Variants in MSN observed in about 807,000 individuals in gnomAD.
The protein encoded by MSN is moesin.
Under a neutral mutation model 48.0 loss-of-function variants are expected in MSN, and 2 were observed. The ratio of observed to expected loss-of-function variants is 0.04; its 90% confidence interval spans 0.02 to 0.13. MSN has a LOEUF of 0.13. Among genes scored for constraint, MSN ranks in the 10% least tolerant of loss-of-function variants. The pLI is 1.00. For missense variants in MSN, 267 were observed against 470.1 expected (o/e 0.57, Z 3.99); for synonymous variants, 146 against 166.9 (o/e 0.87, Z 0.97).
chrX:65,672,641 C>A (rs1181279253), intron 1 of MSN, among the ~76,000 whole-genome samples: 1 of 111,757 alleles, frequency 8.9e-6, no homozygotes, highest in African/African-American at 3.3e-5. Flanking sequence ...TTTTTCTTCT[C>A]TTTCCATATA....
intron 10 of MSN, among the ~76,000 whole-genome samples, chrX:65,738,125 G>A (rs1295509684): frequency 8.9e-6 from 1 of 112,047 alleles, no homozygotes; most frequent in Non-Finnish European, 1.9e-5. Context: ...TCCTGTACTT[G>A]TCCTGGGAAG....
chrX:65,613,328 A>G (rs190911235), intron 1 of MSN, among the ~76,000 whole-genome samples: 29 of 115,040 alleles, frequency 2.5e-4, no homozygotes, highest in African/African-American at 8.8e-4. Flanking sequence ...TAGTGCTGCA[A>G]TAAACATATG....
chrX:65,664,415 T>A (rs1334449737), upstream of MSN, among the ~76,000 whole-genome samples: 4 of 111,974 alleles, frequency 3.6e-5, no homozygotes. Flanking sequence ...AACATGCACA[T>A]GTACCCCCTG....
intron 1 of MSN, among the ~76,000 whole-genome samples, chrX:65,636,933 A>G (rs1602741116): frequency 1.1e-5 from 1 of 95,190 alleles, no homozygotes; most frequent in African/African-American, 3.9e-5. Flanking sequence ...TACAAAAAAA[A>G]AAAAAAAACT....
At chrX:65,697,092 G>C (rs1455767723) in intron 1 of MSN, among the ~76,000 whole-genome samples, 1 of 110,410 alleles carries the variant, frequency 9.1e-6, no homozygotes, top group African/African-American at 3.3e-5. Flanking sequence ...AGGTATTTTT[G>C]AGACTACTCT....
chrX:65,689,135 C>G (rs1453789295), intron 1 of MSN, among the ~76,000 whole-genome samples: 1 of 111,454 alleles, frequency 9.0e-6, no homozygotes, highest in Non-Finnish European at 1.9e-5. Context: ...CAATCTTGAC[C>G]AAGTCCTTGC....
chrX:65,738,815 T>C (rs2071707306), intron 11 of MSN, among the ~76,000 whole-genome samples, 155 bp from the exon 12 acceptor site: 1 of 112,183 alleles, frequency 8.9e-6, no homozygotes, highest in Non-Finnish European at 1.9e-5. Flanking sequence ...GTACAATTGC[T>C]CTTGTTTTAT....
At chrX:65,664,106 G>A (rs753390728), upstream of MSN, among the ~76,000 whole-genome samples, 2 of 109,857 alleles carry the variant, frequency 1.8e-5, no homozygotes, top group South Asian at 4.0e-4. Flanking sequence ...TAAAGAAAAT[G>A]TGGTACATAT....
chrX:65,632,224 G>A lies in MSN; in HGVS notation c.-22+43612G>A, dbSNP rs188297344. Among the ~76,000 whole-genome samples, 5 of 111,698 alleles carry A rather than the reference G, an allele frequency of 4.5e-5. No individual in the cohort carries two copies. In the East Asian group the frequency reaches 8.5e-4, roughly 19 times the overall value. ...GAGTGAATGGATTAATGCTGTTATC[G>A]TGGGAGTGGGCTCATTATAAAAGGG... On this transcript the variant is annotated intron_variant, in intron 1 of 3. Transcript: ENST00000609672.
intron 1 of MSN, among the ~76,000 whole-genome samples, chrX:65,611,559 C>T (rs769796524): frequency 2.7e-5 from 3 of 111,861 alleles, no homozygotes; most frequent in Non-Finnish European, 5.6e-5. Context: ...CCTTGTAAGG[C>T]TGAATAATAT....
intron 1 of MSN, among the ~76,000 whole-genome samples, chrX:65,604,570 A>G (rs1028149620): frequency 8.1e-5 from 9 of 111,646 alleles, no homozygotes; most frequent in African/African-American, 1.6e-4. Flanking sequence ...ATCAGAAATA[A>G]GCATAGGGAA....
intron 1 of MSN, among the ~76,000 whole-genome samples, chrX:65,650,961 G>T (rs756161087): frequency 3.6e-5 from 4 of 111,323 alleles, no homozygotes; most frequent in Non-Finnish European, 1.9e-5. Context: ...ATCCTCTCAT[G>T]CCTCCCTCTT....
chrX:65,653,591 A>T (rs1235543528), intron 1 of MSN, among the ~76,000 whole-genome samples: 1 of 109,750 alleles, frequency 9.1e-6, no homozygotes, highest in Non-Finnish European at 1.9e-5. Flanking sequence ...AACAACACAC[A>T]CACAAGCAAA....
At chrX:65,636,747 CA>C (rs1219240320) in intron 1 of MSN, among the ~76,000 whole-genome samples, 83 of 6,333 alleles carry the variant, frequency 0.013, no homozygotes, top group East Asian at 0.09. Context: ...AACTCCATCT[CA>C]AAAAAAAAAA....
intron 1 of MSN, among the ~76,000 whole-genome samples, chrX:65,615,578 T>G (rs1186064101): frequency 9.4e-6 from 1 of 106,485 alleles, no homozygotes; most frequent in Non-Finnish European, 1.9e-5. Context: ...TAAATTTGTT[T>G]GAGTTCATTG....
chrX:65,675,642 A>AT (rs763730317), intron 1 of MSN, among the ~76,000 whole-genome samples: 66 of 104,635 alleles, frequency 6.3e-4, no homozygotes, highest in South Asian at 8.2e-4. Flanking sequence ...GGGCAAATTA[A>AT]TTTTTTTTTT....
upstream of MSN, among the ~76,000 whole-genome samples, chrX:65,663,883 C>T (rs2070844355): frequency 9.2e-6 from 1 of 108,952 alleles, no homozygotes. Flanking sequence ...ATGGTGAAAC[C>T]CCGTCTCTAC....
In MSN at chrX:65,660,676, C is replaced by T. The variant is rs190079319; in HGVS notation, c.-21-56142C>T. ...CCACCTCCTGGGTTCAAGCAATTCT[C>T]CTGCCTCAGCCTACCAAGTAGCTGG... On this transcript the variant is annotated intron_variant, in intron 1 of 3. Coordinates refer to the MSN transcript ENST00000609672. Among the ~76,000 whole-genome samples, 913 of 109,560 alleles carry T rather than the reference C, an allele frequency of 8.3e-3. 6 individuals are homozygous for T. Among genetic ancestry groups the T allele is most frequent in the Admixed American group, 0.013 (135 of 10,257 alleles).
chrX:65,636,769 AAAAAACC>A, intron 1 of MSN, among the ~76,000 whole-genome samples: 1 of 102,097 alleles, frequency 9.8e-6, no homozygotes, highest in African/African-American at 3.6e-5. Context: ...AAAAAAAAAA[AAAAAACC>A]AGAAAGAAAG....
Sources: allele counts gnomAD v4.1 joint callset (sites outside exome capture counted in the v4.1 genomes callset), GRCh38; gene constraint gnomAD v4.1.1; transcripts MANE v1.5; gene names NCBI Gene and HGNC (gene_info 2026-07-23, HGNC 2026-07-21).